The following CPNE7 variants were observed in gnomAD, a reference collection of about 807,000 sequenced individuals.
The protein encoded by CPNE7 is copine-7.
In CPNE7, 78 loss-of-function variants were observed where a neutral mutation model predicts 66.5. The observed-to-expected ratio is 1.17, with a 90% CI of 0.98 to 1.42. CPNE7 has a LOEUF of 1.42. Among genes scored for constraint, CPNE7 ranks in the 40% most tolerant of loss-of-function variants. CPNE7 has a pLI of 0.00. For synonymous variants in CPNE7, 468 were observed against 336.7 expected, an observed-to-expected ratio of 1.39 and a Z score of -4.27; for missense variants, 1,012 against 776.6, an observed-to-expected ratio of 1.30 and a Z score of -3.60.
chr16:89,592,452 T>TG (rs1248922485), intron 13 of CPNE7, among the ~76,000 whole-genome samples: 1 of 150,566 alleles, frequency 6.6e-6, no homozygotes, highest in African/African-American at 2.4e-5. Flanking sequence ...TTTTCAATTT[T>TG]TTTTTTTTTT....
rs1358841399 is a variant in CPNE7, at chr16:89,580,170, C to T, written c.357+2449C>T. Among the ~76,000 whole-genome samples, 6 of 50,754 alleles carry T rather than the reference C, an allele frequency of 1.2e-4. 1 individual carries two copies. The highest frequency in any genetic ancestry group is 2.4e-4 in the African/African-American group (5 of 20,570). The allele number at this position is 50,754 out of a possible 152,430, so 33.3% of individuals were successfully genotyped here. ...CCGTCACACGGAACATCCCGTCACCCGCTGACACAGAACATCTCACCCGTC... is the reference window on the plus strand; with the variant it reads ...CCGTCACACGGAACATCCCGTCACCTGCTGACACAGAACATCTCACCCGTC... On this transcript the variant is annotated intron_variant, in intron 2 of 14. Coordinates refer to ENST00000319518, the MANE Select transcript of CPNE7 (RefSeq NM_153636.3).
chr16:89,595,915 C>T (rs920555571), intron 14 of CPNE7: 73 of 558,856 alleles, frequency 1.3e-4, no homozygotes, highest in Non-Finnish European at 2.0e-4. Flanking sequence ...GAGACACGCA[C>T]AGCACACACG....
intron 13 of CPNE7, among the ~76,000 whole-genome samples, chr16:89,591,801 C>T (rs28414505): frequency 0.04 from 6,038 of 151,706 alleles, 185 homozygotes; most frequent in Non-Finnish European, 0.065. Flanking sequence ...CCGGGGTTCA[C>T]GCCATTCTCC....
chr16:89,582,860 G>A (rs183681759), intron 2 of CPNE7, among the ~76,000 whole-genome samples: 2 of 152,386 alleles, frequency 1.3e-5, no homozygotes, highest in East Asian at 1.9e-4. Context: ...TGGGCCATTC[G>A]ATGGTTGCTG....
chr16:89,582,024 A>C (rs1028378198), intron 2 of CPNE7, among the ~76,000 whole-genome samples: 1 of 152,192 alleles, frequency 6.6e-6, no homozygotes, highest in African/African-American at 2.4e-5. Context: ...TCACATAAGC[A>C]CACACACAGG....
At position 89,584,868 on chromosome 16, in the gene CPNE7, G is replaced by A. The variant is rs367918809; in HGVS notation, c.591+11G>A. 25 of 1,611,482 alleles carry A rather than the reference G, an allele frequency of 1.6e-5. No homozygotes were observed. The highest frequency in any genetic ancestry group is 8.0e-5 in the African/African-American group (6 of 74,898). ...GTGTACAGGACGGAGGTGAGCGGCC[G>A]GGGATGGGAACACAGGGAGGGGAAG... On this transcript the variant is annotated intron_variant, in intron 5 of 14. Coordinates refer to ENST00000319518, the MANE Select transcript of CPNE7 (RefSeq NM_153636.3). This position sits in a 1 kb window ranked among gnomAD's most constrained non-coding sequence, Gnocchi z 6.0.
At chr16:89,594,898 C>T (rs1378411796) in intron 13 of CPNE7, among the ~76,000 whole-genome samples, 1 of 151,910 alleles carries the variant, frequency 6.6e-6, no homozygotes, top group Non-Finnish European at 1.5e-5. Context: ...GTGATCCGCC[C>T]GCCTCGGCCT....
At chr16:89,596,365 G>A (rs1364072329) in intron 14 of CPNE7, 119 bp from the exon 15 acceptor site, 1 of 1,364,236 alleles carries the variant, frequency 7.3e-7, no homozygotes, top group South Asian at 1.4e-5. Context: ...AGCCTCTGGT[G>A]GGGGTGGGTA....
rs1395561615 is a variant in CPNE7 at position 89,585,721 on chromosome 16, A to T, written c.716A>T (p.His239Leu). The change falls in exon 7 of 15, where the codon CAC (histidine) becomes CTC (leucine). Residue 239 changes from histidine (H) to leucine (L), a missense_variant. Physicochemically the swap from His to Leu is moderately conservative, Grantham distance 99. Coordinates refer to ENST00000319518, the MANE Select transcript of CPNE7 (RefSeq NM_153636.3). ...TGGGATTACGACTCTCGAGGAAAGCACGACTTCATCGGAGAATTCTCTACC... is the reference window on the plus strand; with the variant it reads ...TGGGATTACGACTCTCGAGGAAAGCTCGACTTCATCGGAGAATTCTCTACC... ...LVWDYDSRGK[H>L]DFIGEFSTTF... 1 of 1,548,610 alleles carries T rather than the reference A, an allele frequency of 6.5e-7. No homozygotes were observed. Among genetic ancestry groups the T allele is most frequent in the Non-Finnish European group, 8.7e-7 (1 of 1,146,566 alleles).
chr16:89,591,965 C>T (rs1214164411), intron 13 of CPNE7, among the ~76,000 whole-genome samples: 4 of 150,678 alleles, frequency 2.7e-5, no homozygotes, highest in African/African-American at 7.4e-5. Context: ...TCCCAAAGTG[C>T]TGGGATTACA....
intron 2 of CPNE7, among the ~76,000 whole-genome samples, chr16:89,580,385 T>TCCCATCACCCGTCACAC (rs2058934314): frequency 1.3e-5 from 1 of 78,716 alleles, no homozygotes; most frequent in African/African-American, 5.1e-5. Context: ...ACCCGTCACA[T>TCCCATCACCCGTCACAC]GGAACATCCC....
Position 89,591,111 on chromosome 16 carries a change from C to T in CPNE7, c.1169-16C>T, listed in dbSNP as rs1222775377. The T allele has an allele frequency of 5.6e-6, 9 of 1,612,816 alleles. No homozygotes were observed. The highest frequency in any genetic ancestry group is 2.2e-5 in the South Asian group (2 of 91,056). ...GGGAGTGCAGGGGGGCCGGGCTCAC[C>T]CCCTGCCCCCCACAGGCATCCAGGG... On this transcript the variant is annotated splice_polypyrimidine_tract_variant and intron_variant, in intron 12 of 14. Coordinates refer to ENST00000319518, the MANE Select transcript of CPNE7 (RefSeq NM_153636.3).
intron 2 of CPNE7, chr16:89,578,869 T>G: frequency 6.2e-7 from 1 of 1,611,602 alleles, no homozygotes; most frequent in Non-Finnish European, 8.5e-7. Flanking sequence ...AGCCCAAAAG[T>G]GGCTTCTGCA....
chr16:89,590,531 G>A (rs541301326), intron 11 of CPNE7, among the ~76,000 whole-genome samples: 1 of 151,390 alleles, frequency 6.6e-6, no homozygotes, highest in African/African-American at 2.4e-5. Context: ...TTTTAAAAAA[G>A]AAAAAAGAAA....
In CPNE7 at chr16:89,584,854, G is replaced by A. The variant is rs753121212; in HGVS notation, c.588G>A (p.Thr196=). 5.8e-5 allele frequency: 93 copies of A among 1,613,038 alleles called. No individual in the cohort carries two copies. The highest frequency in any genetic ancestry group is 1.7e-4 in the Middle Eastern group (1 of 6,060). ...DDQGLQLVYR[T]EVVKNNLNPV... is the part of the protein sequence containing the mutation. ...AGGGCTTGCAGCTGGTGTACAGGAC[G>A]GAGGTGAGCGGCCGGGGATGGGAAC... Residue 196 remains threonine (T), a synonymous_variant, in exon 5 of 15, where the codon ACG becomes ACA. Transcript: ENST00000319518. The surrounding 1 kb of genome is among the most constrained non-coding windows in gnomAD (Gnocchi z 6.0).
intron 13 of CPNE7, among the ~76,000 whole-genome samples, chr16:89,593,205 A>G (rs2059202383): frequency 6.6e-6 from 1 of 152,082 alleles, no homozygotes; most frequent in Non-Finnish European, 1.5e-5. Flanking sequence ...TTCAAGCCAA[A>G]TGGGAACCCT....
chr16:89,583,379 G>C lies in CPNE7; in HGVS notation c.358-318G>C, dbSNP rs1361771277. ...CGTCCGCCACACCTGTGCAGGTGCA[G>C]GCCAGCTGGGCTGTGAGCTGCTTCC... On this transcript the variant is annotated intron_variant, in intron 2 of 14. Coordinates refer to ENST00000319518, the MANE Select transcript of CPNE7 (RefSeq NM_153636.3). 2.7e-6 allele frequency: 4 copies of C among 1,474,264 alleles called. No individual in the cohort carries two copies. In the African/African-American group the frequency reaches 4.2e-5, roughly 15 times the overall value. 91.3% of individuals were successfully genotyped at this position (1,474,264 alleles called of 1,614,324 possible).
In CPNE7 at chr16:89,589,922, T is replaced by C. The variant is rs1267897142; in HGVS notation, c.1087T>C (p.Phe363Leu). ...TGACAAGAGGTTTTCCGCTTTGGGG[T>C]TTGGAGCCCGGATCCCTCCCAAGTA... ...DSDKRFSALG[F>L]GARIPPKYEV... The change falls in exon 11 of 15, where the codon TTT becomes CTT. Residue 363 changes from phenylalanine to leucine, a missense_variant. By Grantham distance (22) the Phe-to-Leu change is conservative. Transcript: ENST00000319518. 2 of 1,613,670 alleles carry C rather than the reference T, an allele frequency of 1.2e-6. No individual in the cohort carries two copies. Among genetic ancestry groups the C allele is most frequent in the Admixed American group, 1.7e-5 (1 of 60,006 alleles).
At chr16:89,594,776 C>T (rs1367533390) in intron 13 of CPNE7, among the ~76,000 whole-genome samples, 1 of 151,218 alleles carries the variant, frequency 6.6e-6, no homozygotes, top group East Asian at 2.0e-4. Context: ...CTCAGCCTCC[C>T]GAATAGCTGG....
Sources: allele counts gnomAD v4.1 joint callset (sites outside exome capture counted in the v4.1 genomes callset), GRCh38; gene constraint gnomAD v4.1.1; non-coding constraint Gnocchi (gnomAD v3.1); transcripts MANE v1.5; gene names NCBI Gene and HGNC (gene_info 2026-07-23, HGNC 2026-07-21).